Variants in CDC27 observed in about 807,000 individuals in gnomAD.
The protein encoded by CDC27 is cell division cycle protein 27 homolog.
CDC27 carries 27 observed loss-of-function variants against 109.7 expected under a neutral mutation model. The observed-to-expected ratio is 0.25, with a 90% confidence interval of 0.18 to 0.34. The LOEUF (loss-of-function observed/expected upper bound fraction) is 0.34. CDC27 is among the 10% of genes least tolerant of loss of function. The pLI is 1.00. For missense variants in CDC27, 579 were observed against 960.2 expected (o/e 0.60, Z 5.25); for synonymous variants, 266 against 333.9 (o/e 0.80, Z 2.22).
intron 2 of CDC27, among the ~76,000 whole-genome samples, chr17:47,176,504 AAAGAGGGCTGG>A (rs1161539900): frequency 1.3e-5 from 2 of 152,224 alleles, no homozygotes; most frequent in Non-Finnish European, 2.9e-5. Flanking sequence ...ACCACAAATA[AAAGAGGGCTGG>A]AAGAAGTTTT....
intron 16 of CDC27, among the ~76,000 whole-genome samples, chr17:47,126,710 A>C (rs970690539): frequency 1.3e-5 from 2 of 152,220 alleles, no homozygotes; most frequent in African/African-American, 2.4e-5. Context: ...CAAATACATA[A>C]AAACAAATAC....
intron 8 of CDC27, among the ~76,000 whole-genome samples, chr17:47,152,604 G>T (rs569767264): frequency 2.0e-5 from 3 of 151,760 alleles, no homozygotes; most frequent in Admixed American, 2.0e-4. Flanking sequence ...TATGACTATT[G>T]TATCAGTGCA....
At chr17:47,167,452 T>C (rs2063684266) in intron 4 of CDC27, among the ~76,000 whole-genome samples, 1 of 152,182 alleles carries the variant, frequency 6.6e-6, no homozygotes, top group African/African-American at 2.4e-5. Flanking sequence ...TGGAAGTCAC[T>C]CTATAGATAT....
chr17:47,136,623 T>A (rs1452173798), intron 14 of CDC27, among the ~76,000 whole-genome samples: 1 of 152,224 alleles, frequency 6.6e-6, no homozygotes, highest in Non-Finnish European at 1.5e-5. Context: ...TAATTTCCTA[T>A]GTGTCTACTT....
At chr17:47,185,027 G>C (rs1016597369) in intron 1 of CDC27, among the ~76,000 whole-genome samples, 3 of 152,130 alleles carry the variant, frequency 2.0e-5, no homozygotes, top group Non-Finnish European at 4.4e-5. Flanking sequence ...TAATGGGTTA[G>C]TCCCCAGGTG....
chr17:47,137,148 T>C lies in CDC27; in HGVS notation c.1913+4A>G, dbSNP rs1309111856. ...CTTTGTCTTTGTACTTCATTACCACTTACCATGCATTATAATGTCTAGGAT... is the reference window on the plus strand; with the variant it reads ...CTTTGTCTTTGTACTTCATTACCACCTACCATGCATTATAATGTCTAGGAT... On this transcript the variant is annotated splice_donor_region_variant and intron_variant, in intron 14 of 18. Coordinates refer to ENST00000066544, the MANE Select transcript of CDC27 (RefSeq NM_001256.6). 6 of 1,561,076 alleles carry C rather than the reference T, an allele frequency of 3.8e-6. No homozygotes were observed. The highest frequency in any genetic ancestry group is 5.3e-6 in the Non-Finnish European group (6 of 1,142,396).
intron 4 of CDC27, chr17:47,159,476 G>A: frequency 1.7e-6 from 1 of 586,040 alleles, no homozygotes; most frequent in Non-Finnish European, 2.9e-6. Context: ...CCGTGCTCCT[G>A]GGGGTGCGAC....
At chr17:47,184,010 A>G (rs2064338293) in intron 1 of CDC27, among the ~76,000 whole-genome samples, 1 of 152,234 alleles carries the variant, frequency 6.6e-6, no homozygotes, top group Admixed American at 6.5e-5. Flanking sequence ...TTACTCCTTT[A>G]TGAAATCTGG....
chr17:47,122,367 A>T, intron 18 of CDC27, 77 bp downstream of exon 18: 7 of 1,044,168 alleles, frequency 6.7e-6, no homozygotes, highest in Non-Finnish European at 9.4e-6. Context: ...TAGAAAAATA[A>T]AATAAAAGAG....
intron 4 of CDC27, among the ~76,000 whole-genome samples, chr17:47,168,711 G>A (rs148329804): frequency 2.6e-5 from 4 of 152,038 alleles, no homozygotes; most frequent in Admixed American, 2.0e-4. Context: ...ACTCATGTTC[G>A]CAAGAGTGGT....
intron 2 of CDC27, chr17:47,181,254 CAAAAAAAAAAA>C (rs34104273): frequency 0.012 from 385 of 31,218 alleles, 2 homozygotes; most frequent in African/African-American, 0.033. Context: ...GACCCTGTTT[CAAAAAAAAAAA>C]AAAAAAAAAA....
intron 8 of CDC27, among the ~76,000 whole-genome samples, chr17:47,153,730 GC>G: frequency 6.6e-6 from 1 of 152,136 alleles, no homozygotes; most frequent in East Asian, 1.9e-4. Flanking sequence ...CCACAGATAT[GC>G]TTTTTAAAAA....
intron 9 of CDC27, among the ~76,000 whole-genome samples, chr17:47,144,230 A>G (rs2062885626): frequency 6.6e-6 from 1 of 152,170 alleles, no homozygotes; most frequent in Admixed American, 6.6e-5. Context: ...TTGTGATCAT[A>G]AGTCAATAAT....
chr17:47,124,777 AT>A (rs2062084892), intron 16 of CDC27, among the ~76,000 whole-genome samples: 1 of 152,156 alleles, frequency 6.6e-6, no homozygotes, highest in African/African-American at 2.4e-5. Flanking sequence ...TCTACTGTCC[AT>A]TTGGACAGAA....
chr17:47,157,456 A>AAAAGAATTAGCTTGAACCTCC, intron 5 of CDC27, 72 bp from the exon 6 acceptor site: 1 of 1,194,458 alleles, frequency 8.4e-7, no homozygotes, highest in Non-Finnish European at 1.2e-6. Context: ...GTATGCATAA[A>AAAAGAATTAGCTTGAACCTCC]TCAGTGGAAA....
chr17:47,183,498 C>T (rs2064318494), intron 1 of CDC27, among the ~76,000 whole-genome samples: 2 of 152,120 alleles, frequency 1.3e-5, no homozygotes, highest in African/African-American at 2.4e-5. Context: ...TCCAGAGCCT[C>T]TTGTTTAACC....
At chr17:47,157,699 T>G (rs984934417) in intron 5 of CDC27, among the ~76,000 whole-genome samples, 12 of 152,166 alleles carry the variant, frequency 7.9e-5, no homozygotes, top group Admixed American at 7.9e-4. Context: ...TTTCTCAAAG[T>G]AGGAGATGAG....
At chr17:47,176,023 CTACCTT>C (rs907331334) in intron 2 of CDC27, among the ~76,000 whole-genome samples, 5 of 152,002 alleles carry the variant, frequency 3.3e-5, no homozygotes, top group African/African-American at 1.2e-4. Context: ...ACTATGATAC[CTACCTT>C]TAAAGGTTGC....
chr17:47,151,751 T>C (rs1164043742), intron 9 of CDC27, 55 bp downstream of exon 9: 3 of 1,366,718 alleles, frequency 2.2e-6, no homozygotes, highest in East Asian at 2.5e-5. Context: ...ATTAAAGAAA[T>C]GTAAAGAATC....
Sources: gnomAD v4.1 joint callset for allele counts (sites outside exome capture counted in the v4.1 genomes callset) on GRCh38, gnomAD v4.1.1 for gene constraint, MANE v1.5 for transcripts, NCBI Gene and HGNC (gene_info 2026-07-23, HGNC 2026-07-21) for gene names.